NALCN: variants seen among roughly 807,000 people sequenced by gnomAD.
The protein encoded by NALCN is sodium leak channel, non-selective.
A neutral mutation model predicts 225.3 loss-of-function variants in NALCN; 111 were observed. That is an observed-to-expected ratio of 0.49 (90% CI 0.42 to 0.58). The LOEUF is 0.58. Ranked by LOEUF, NALCN falls within the 20% of genes least tolerant of loss-of-function variation. The pLI, the probability that NALCN is intolerant of heterozygous loss-of-function variation, is 0.00. For missense variants in NALCN, 1,378 were observed against 2,202.4 expected (o/e 0.63, Z 7.49); for synonymous variants, 764 against 769.0 (o/e 0.99, Z 0.11).
intron 27 of NALCN, among the ~76,000 whole-genome samples, chr13:101,096,145 C>T (rs1221762581): frequency 6.6e-6 from 1 of 152,118 alleles, no homozygotes; most frequent in Non-Finnish European, 1.5e-5. Context: ...GGTGCAACCA[C>T]TTTGGAAAAC....
chr13:101,081,508 A>C lies in NALCN; in HGVS notation c.3885+19T>G, dbSNP rs745979487. The C allele has an allele frequency of 5.0e-6, 8 of 1,613,548 alleles. No individual in the cohort carries two copies. The highest frequency in any genetic ancestry group is 5.9e-6 in the Non-Finnish European group (7 of 1,179,812). On this transcript the variant is annotated intron_variant, in intron 34 of 43. Transcript: ENST00000251127. Reference sequence around the variant, plus strand: ...AAACTGAAATAATCAGCTGAAATCAACTTGACTTCTATGCTTACCAGGAGG... The same window carrying C: ...AAACTGAAATAATCAGCTGAAATCACCTTGACTTCTATGCTTACCAGGAGG...
At chr13:101,210,774 C>T (rs779981689) in intron 13 of NALCN, among the ~76,000 whole-genome samples, 31 of 152,158 alleles carry the variant, frequency 2.0e-4, no homozygotes, top group Non-Finnish European at 4.0e-4. Flanking sequence ...ACTGCTACTA[C>T]TTGTTAAGTG....
intron 15 of NALCN, among the ~76,000 whole-genome samples, chr13:101,159,969 T>TTTTA (rs1211701074): frequency 2.0e-5 from 3 of 152,098 alleles, no homozygotes; most frequent in East Asian, 1.9e-4. Context: ...TTTTATTTTA[T>TTTTA]TTTGAGACGG....
intron 6 of NALCN, among the ~76,000 whole-genome samples, chr13:101,349,945 C>T (rs1566604464): frequency 6.6e-6 from 1 of 152,170 alleles, no homozygotes; most frequent in Non-Finnish European, 1.5e-5. Context: ...GTGGAGCAAA[C>T]TTGAAGTCTT....
intron 28 of NALCN, among the ~76,000 whole-genome samples, chr13:101,090,892 G>A (rs531548028): frequency 8.8e-4 from 134 of 152,132 alleles, no homozygotes; most frequent in African/African-American, 3.1e-3. Flanking sequence ...TGAAGTCCCC[G>A]CTGTCCAGAG....
chr13:101,259,732 G>GTGTATATA (rs1555324888), intron 10 of NALCN, among the ~76,000 whole-genome samples: 76 of 119,398 alleles, frequency 6.4e-4, no homozygotes, highest in African/African-American at 1.7e-3. Flanking sequence ...CATAGTAAGT[G>GTGTATATA]TATATATATA....
chr13:101,193,969 A>C (rs776601263), intron 13 of NALCN, among the ~76,000 whole-genome samples: 10 of 152,196 alleles, frequency 6.6e-5, no homozygotes, highest in Non-Finnish European at 1.3e-4. Context: ...GTATAAAAGA[A>C]ATTTCACTGG....
intron 30 of NALCN, 133 bp from the exon 31 acceptor site, chr13:101,083,937 T>A: frequency 1.4e-6 from 1 of 721,358 alleles, no homozygotes; most frequent in Non-Finnish European, 2.1e-6. Flanking sequence ...ACCGTGGTGG[T>A]GAGAGAAACA....
intron 37 of NALCN, among the ~76,000 whole-genome samples, chr13:101,070,970 G>T (rs145190340): frequency 6.6e-6 from 1 of 152,170 alleles, no homozygotes; most frequent in Non-Finnish European, 1.5e-5. Flanking sequence ...GTGGCAGCAA[G>T]AAGTGCCAAG....
chr13:101,375,638 A>G (rs951044842), intron 6 of NALCN, among the ~76,000 whole-genome samples: 5 of 152,194 alleles, frequency 3.3e-5, no homozygotes, highest in African/African-American at 7.2e-5. Flanking sequence ...TGAATTTTAC[A>G]AAGTGCTTTA....
chr13:101,116,452 T>C (rs1341858988), intron 18 of NALCN: 2 of 505,076 alleles, frequency 4.0e-6, no homozygotes, highest in Admixed American at 4.1e-5. Context: ...ATAAGAGAGA[T>C]CTTTGGAGCT....
At chr13:101,069,799 C>G (rs766736528) in intron 37 of NALCN, among the ~76,000 whole-genome samples, 2 of 152,188 alleles carry the variant, frequency 1.3e-5, no homozygotes, top group Non-Finnish European at 2.9e-5. Flanking sequence ...AGAGTAGATT[C>G]CATTTCAAGA....
chr13:101,061,887 C>T (rs770628209), intron 41 of NALCN, 81 bp downstream of exon 41: 44 of 1,377,076 alleles, frequency 3.2e-5, no homozygotes, highest in African/African-American at 4.3e-5. Context: ...CCCATGTTCA[C>T]GAAGCTCTTT....
At chr13:101,080,813 C>A (rs989765599) in intron 34 of NALCN, among the ~76,000 whole-genome samples, 2 of 149,318 alleles carry the variant, frequency 1.3e-5, no homozygotes, top group Non-Finnish European at 3.0e-5. Context: ...ATTTTCTAAA[C>A]CACTACTTTT....
At chr13:101,280,183 C>T (rs1161822334) in intron 10 of NALCN, among the ~76,000 whole-genome samples, 1 of 152,208 alleles carries the variant, frequency 6.6e-6, no homozygotes, top group Non-Finnish European at 1.5e-5. Flanking sequence ...TCCATGCACT[C>T]TTCATTGCTG....
intron 10 of NALCN, among the ~76,000 whole-genome samples, chr13:101,281,082 T>C (rs934921629): frequency 6.6e-6 from 1 of 152,128 alleles, no homozygotes; most frequent in African/African-American, 2.4e-5. Context: ...GGTTTCACCA[T>C]GTTGGCCAGG....
intron 3 of NALCN, 98 bp from the exon 4 acceptor site, chr13:101,378,751 C>T (rs1160404905): frequency 1.9e-6 from 2 of 1,041,478 alleles, no homozygotes; most frequent in Non-Finnish European, 2.8e-6. Flanking sequence ...TAAAAGCTAT[C>T]TACAATTTTT....
At chr13:101,281,488 T>C (rs914864175) in intron 10 of NALCN, among the ~76,000 whole-genome samples, 2 of 152,190 alleles carry the variant, frequency 1.3e-5, no homozygotes, top group African/African-American at 4.8e-5. Flanking sequence ...GTCATTATTG[T>C]TATTACTATT....
At chr13:101,213,096 G>C (rs1269284454) in intron 13 of NALCN, among the ~76,000 whole-genome samples, 1 of 152,124 alleles carries the variant, frequency 6.6e-6, no homozygotes, top group African/African-American at 2.4e-5. Context: ...TACCAAAACA[G>C]AGATATAGAC....
Sources: gnomAD v4.1 joint callset for allele counts (sites outside exome capture counted in the v4.1 genomes callset) on GRCh38, gnomAD v4.1.1 for gene constraint, MANE v1.5 for transcripts, NCBI Gene and HGNC (gene_info 2026-07-23, HGNC 2026-07-21) for gene names.